Variants in ENG observed in about 807,000 individuals in gnomAD.
The protein encoded by ENG is endoglin, also known as CD105 antigen.
In ENG, 17 loss-of-function variants were observed where a neutral mutation model predicts 71.0. That is an observed-to-expected ratio of 0.24 (90% CI 0.16 to 0.36). ENG has a LOEUF of 0.36. Among genes scored for constraint, ENG ranks in the 10% least tolerant of loss-of-function variants. ENG has a pLI of 1.00. For missense variants in ENG, 749 were observed against 868.3 expected (o/e 0.86, Z 1.73); for synonymous variants, 360 against 366.9 (o/e 0.98, Z 0.21).
intron 2 of ENG, among the ~76,000 whole-genome samples, chr9:127,837,774 GCATCCATCCATC>G (rs5900769): frequency 2.6e-4 from 29 of 112,962 alleles, no homozygotes; most frequent in East Asian, 1.2e-3. Flanking sequence ...ATGCATGAAT[GCATCCATCCATC>G]CATCCATCCA....
intron 11 of ENG, 88 bp downstream of exon 11, chr9:127,818,628 C>G: frequency 6.7e-7 from 1 of 1,485,834 alleles, no homozygotes. Flanking sequence ...CTGGGAGTCT[C>G]ATCTCCTCTG....
chr9:127,820,015 C>T lies in ENG; in HGVS notation c.1157G>A (p.Gly386Asp). Residue 386 changes from glycine (G) to aspartate (D), a missense_variant, in exon 9 of 15, where the codon GGC (glycine) becomes GAC (aspartate). Transcript: ENST00000373203. ...LVAHLKCTIT[G>D]LTFWDPSCEA... The stretch of plus-strand genomic sequence containing the variant: ...ACAGCTGGGGTCCCAGAAGGTCAGG[C>T]CCGTGATGGTGCACTTCAAATGCTG... 1 of 1,614,112 alleles carries T rather than the reference C, an allele frequency of 6.2e-7. No individual in the cohort carries two copies. The highest frequency in any genetic ancestry group is 8.5e-7 in the Non-Finnish European group (1 of 1,180,032).
intron 8 of ENG, among the ~76,000 whole-genome samples, chr9:127,823,673 CTTTTTTTT>C (rs1017053002): frequency 1.1e-4 from 11 of 99,036 alleles, no homozygotes; most frequent in Admixed American, 2.2e-4. Flanking sequence ...CAGGCACCGG[CTTTTTTTT>C]TTTTTTTTTT....
At chr9:127,825,634 G>GA in intron 5 of ENG, 61 bp downstream of exon 5, 5 of 1,378,426 alleles carry the variant, frequency 3.6e-6, no homozygotes, top group Non-Finnish European at 4.8e-6. Context: ...GGGGCGGGGG[G>GA]GGTCAGGGGG....
intron 4 of ENG, among the ~76,000 whole-genome samples, 161 bp from the exon 5 acceptor site, chr9:127,826,021 T>A (rs935529927): frequency 6.6e-6 from 1 of 152,110 alleles, no homozygotes; most frequent in Non-Finnish European, 1.5e-5. Context: ...CTTCCACCAC[T>A]CACCTGCCAA....
chr9:127,845,656 G>A (rs1831151997), intron 1 of ENG, among the ~76,000 whole-genome samples: 1 of 152,228 alleles, frequency 6.6e-6, no homozygotes, highest in African/African-American at 2.4e-5. Flanking sequence ...ATCCACAGAG[G>A]TGGCTGGGAG....
chr9:127,817,985 C>T, intron 12 of ENG, 135 bp downstream of exon 12: 2 of 1,449,226 alleles, frequency 1.4e-6, no homozygotes, highest in Middle Eastern at 2.4e-4. Flanking sequence ...GCCAGACTGC[C>T]AGGCCACATG....
In ENG at chr9:127,836,379, T is replaced by C. The variant is rs1382754820; in HGVS notation, c.220-6552A>G. Among the ~76,000 whole-genome samples, 1 of 152,252 alleles carries C rather than the reference T, an allele frequency of 6.6e-6. No homozygotes were observed. Among genetic ancestry groups the C allele is most frequent in the Non-Finnish European group, 1.5e-5 (1 of 68,048 alleles). On this transcript the variant is annotated intron_variant, in intron 2 of 14. Transcript: ENST00000373203. This position sits in a 1 kb window ranked among gnomAD's most constrained non-coding sequence, Gnocchi z 4.0. ...GATGCCATTGTTGCCCAGCAGTTGG[T>C]GGCAGGAAGGGGGGATTTCGGTGAG...
chr9:127,851,607 A>G (rs891255648), intron 1 of ENG, among the ~76,000 whole-genome samples: 1 of 151,842 alleles, frequency 6.6e-6, no homozygotes, highest in Admixed American at 6.6e-5. Flanking sequence ...CCAGCCAGGC[A>G]TGGTGGCTCA....
At chr9:127,826,454 C>T (rs550791135) in intron 4 of ENG, 56 bp downstream of exon 4, 5 of 1,608,584 alleles carry the variant, frequency 3.1e-6, no homozygotes, top group African/African-American at 2.7e-5. Flanking sequence ...GCCAGAGGAG[C>T]TCAGATTCCT....
rs1830896794 is a variant in ENG, at chr9:127,836,120, C to T, written c.220-6293G>A. Among the ~76,000 whole-genome samples the T allele has an allele frequency of 6.6e-6, 1 of 152,246 alleles. No individual in the cohort carries two copies. Among genetic ancestry groups the T allele is most frequent in the Non-Finnish European group, 1.5e-5 (1 of 68,036 alleles). On this transcript the variant is annotated intron_variant, in intron 2 of 14. Transcript: ENST00000373203. The surrounding 1 kb of genome is among the most constrained non-coding windows in gnomAD (Gnocchi z 4.0). ...CGGCCCTGACTCACCGCCACGGCCA[C>T]TCACACGCACACCGACTTCCCCCTT...
chr9:127,838,286 AG>A lies in ENG; in HGVS notation c.219+4807del, dbSNP rs1300174436. Among the ~76,000 whole-genome samples, 1 of 152,160 alleles carries A rather than the reference AG, an allele frequency of 6.6e-6. No homozygotes were observed. Among genetic ancestry groups the A allele is most frequent in the Non-Finnish European group, 1.5e-5 (1 of 68,020 alleles). ...TCTAGAAGGGAGGGGTGCAGGTTTC[AG>A]GGGGGTACATCCCTTTGGCCCCACA... On this transcript the variant is annotated intron_variant, in intron 2 of 14. Transcript: ENST00000373203. The surrounding 1 kb of genome is among the most constrained non-coding windows in gnomAD (Gnocchi z 4.3).
At chr9:127,825,385 A>C in intron 5 of ENG, 28 bp from the exon 6 acceptor site, 1 of 1,606,614 alleles carries the variant, frequency 6.2e-7, no homozygotes, top group Non-Finnish European at 8.5e-7. Context: ...CGGATGGAAC[A>C]CTGAAGCGGA....
intron 2 of ENG, among the ~76,000 whole-genome samples, chr9:127,831,056 C>A (rs1048197356): frequency 5.3e-5 from 8 of 152,158 alleles, no homozygotes; most frequent in African/African-American, 1.7e-4. Flanking sequence ...AACAGCAATA[C>A]CTACCTACCA....
At chr9:127,820,917 A>G (rs1373438302) in intron 8 of ENG, among the ~76,000 whole-genome samples, 1 of 152,208 alleles carries the variant, frequency 6.6e-6, no homozygotes, top group Non-Finnish European at 1.5e-5. Context: ...CCCTGCAAGC[A>G]TAATCCAGTC....
At chr9:127,853,125 T>C (rs1829071572) in intron 1 of ENG, among the ~76,000 whole-genome samples, 1 of 152,022 alleles carries the variant, frequency 6.6e-6, no homozygotes, top group African/African-American at 2.4e-5. Context: ...GGAGCAAACA[T>C]TTAGGGAGCC....
Position 127,825,019 on chromosome 9 carries a change from C to CT in ENG, c.817-46dup, listed in dbSNP as rs531617359. The stretch of plus-strand genomic sequence containing the variant: ...CAGAACAGGGGGCCATGGACACAGT[C>CT]TGTGCCACAGCAGGCCAGCCAGGGT... On this transcript the variant is annotated intron_variant, in intron 6 of 14. Transcript: ENST00000373203. 1.9e-5 allele frequency: 30 copies of CT among 1,602,534 alleles called. No individual in the cohort carries two copies. In the East Asian group the frequency reaches 6.7e-4, roughly 36 times the overall value.
intron 2 of ENG, among the ~76,000 whole-genome samples, chr9:127,835,331 C>T (rs188178176): frequency 3.3e-5 from 5 of 152,294 alleles, no homozygotes; most frequent in South Asian, 2.1e-4. Flanking sequence ...CTAGGCTGGG[C>T]GTGGTGCCAG....
intron 8 of ENG, among the ~76,000 whole-genome samples, chr9:127,822,143 T>A (rs976274998): frequency 2.0e-5 from 3 of 152,208 alleles, no homozygotes; most frequent in African/African-American, 7.2e-5. Context: ...GGGCAACCTT[T>A]TTTTCTTTAT....
Sources: allele counts gnomAD v4.1 joint callset (sites outside exome capture counted in the v4.1 genomes callset), GRCh38; gene constraint gnomAD v4.1.1; non-coding constraint Gnocchi (gnomAD v3.1); transcripts MANE v1.5; gene names NCBI Gene and HGNC (gene_info 2026-07-23, HGNC 2026-07-21).